Variants in RRAS2 observed in about 807,000 individuals in gnomAD.
RRAS2 encodes the protein ras-related protein R-Ras2.
Under a neutral mutation model 27.6 loss-of-function variants are expected in RRAS2, and 7 were observed. The ratio of observed to expected loss-of-function variants is 0.25; its 90% confidence interval spans 0.14 to 0.48. The LOEUF (loss-of-function observed/expected upper bound fraction) is 0.48. Ranked by LOEUF, RRAS2 falls within the 20% of genes least tolerant of loss-of-function variation. The pLI, the probability that RRAS2 is intolerant of heterozygous loss-of-function variation, is 0.99. For missense variants in RRAS2, 178 were observed against 256.2 expected, an observed-to-expected ratio of 0.69 and a Z score of 2.08; for synonymous variants, 86 against 90.9, an observed-to-expected ratio of 0.95 and a Z score of 0.31.
At chr11:14,356,816 T>A (rs1382790042) in intron 1 of RRAS2, 1 of 439,984 alleles carries the variant, frequency 2.3e-6, no homozygotes, top group East Asian at 7.0e-5. Flanking sequence ...TTTTTTTTTT[T>A]TTTGAGGCAG....
rs573013816 is a variant in RRAS2 at position 14,339,710 on chromosome 11, A to G, written c.108+19053T>C. Among the ~76,000 whole-genome samples, 96 of 152,346 alleles carry G rather than the reference A, an allele frequency of 6.3e-4. 1 individual carries two copies. The highest frequency in any genetic ancestry group is 2.2e-3 in the African/African-American group (90 of 41,586). ...TTAAAAAAGAAAGTTATTAAAGTTA[A>G]AAAGAATTTTTTTAAAAAGTTAAAT... On this transcript the variant is annotated intron_variant, in intron 1 of 5. Coordinates refer to ENST00000256196, the MANE Select transcript of RRAS2 (RefSeq NM_012250.6).
chr11:14,349,798 G>GT (rs1554954531), intron 1 of RRAS2, among the ~76,000 whole-genome samples: 3 of 152,194 alleles, frequency 2.0e-5, no homozygotes, highest in African/African-American at 7.2e-5. Flanking sequence ...TAAATTAGTT[G>GT]TTTTTCACTC....
Position 14,326,786 on chromosome 11 carries a change from C to CTATTCTGTTCT in RRAS2, c.109-30932_109-30931insAGAACAGAATA, listed in dbSNP as rs1848367709. On this transcript the variant is annotated intron_variant, in intron 1 of 5. Coordinates refer to ENST00000256196, the MANE Select transcript of RRAS2 (RefSeq NM_012250.6). The stretch of plus-strand genomic sequence containing the variant: ...TATTAAGAATATGATTTTGGCCGGG[C>CTATTCTGTTCT]GCGGTGGCTCACGCCTGTAATCCCA... Among the ~76,000 whole-genome samples, 2 of 16,044 alleles carry CTATTCTGTTCT rather than the reference C, an allele frequency of 1.2e-4. 1 individual carries two copies. The highest frequency in any genetic ancestry group is 5.6e-4 in the Non-Finnish European group (2 of 3,544). The allele number at this position is 16,044 out of a possible 152,430, so 10.5% of individuals were successfully genotyped here.
At chr11:14,330,382 C>A (rs1848460468) in intron 1 of RRAS2, among the ~76,000 whole-genome samples, 1 of 152,124 alleles carries the variant, frequency 6.6e-6, no homozygotes, top group African/African-American at 2.4e-5. Flanking sequence ...CATGGTGGCA[C>A]ACGCCTGTAG....
intron 1 of RRAS2, among the ~76,000 whole-genome samples, chr11:14,300,664 G>A (rs782500600): frequency 1.1e-4 from 17 of 152,278 alleles, no homozygotes; most frequent in South Asian, 1.0e-3. Flanking sequence ...GCTGGGATAA[G>A]CAGGATAATC....
chr11:14,284,198 T>C (rs1479104369), intron 4 of RRAS2, among the ~76,000 whole-genome samples: 1 of 152,242 alleles, frequency 6.6e-6, no homozygotes, highest in East Asian at 1.9e-4. Context: ...TATACTTCTT[T>C]AGTAGCATGC....
At chr11:14,329,247 T>TG (rs1848437240) in intron 1 of RRAS2, among the ~76,000 whole-genome samples, 1 of 151,928 alleles carries the variant, frequency 6.6e-6, no homozygotes, top group Non-Finnish European at 1.5e-5. Flanking sequence ...CCCAAGTAGC[T>TG]GGGATTATAG....
chr11:14,303,617 A>C (rs1157073407), intron 1 of RRAS2, among the ~76,000 whole-genome samples: 1 of 152,152 alleles, frequency 6.6e-6, no homozygotes, highest in Non-Finnish European at 1.5e-5. Flanking sequence ...AGCCCCAAGA[A>C]CACCATAGTT....
intron 5 of RRAS2, among the ~76,000 whole-genome samples, chr11:14,280,461 G>A (rs2133941071): frequency 6.6e-6 from 1 of 152,124 alleles, no homozygotes; most frequent in Non-Finnish European, 1.5e-5. Context: ...AGGTGCGGTG[G>A]CTCACGCTGT....
At chr11:14,301,075 T>C (rs1847688524) in intron 1 of RRAS2, among the ~76,000 whole-genome samples, 1 of 152,096 alleles carries the variant, frequency 6.6e-6, no homozygotes, top group Admixed American at 6.5e-5. Flanking sequence ...GAGCACAGCA[T>C]CATTCTCAGG....
chr11:14,289,594 A>C (rs1279173444), intron 4 of RRAS2, among the ~76,000 whole-genome samples: 2 of 152,230 alleles, frequency 1.3e-5, no homozygotes, highest in East Asian at 1.9e-4. Flanking sequence ...TGGTAATACT[A>C]AACAACCACT....
intron 4 of RRAS2, among the ~76,000 whole-genome samples, chr11:14,293,757 T>A (rs1287203469): frequency 6.6e-6 from 1 of 152,180 alleles, no homozygotes; most frequent in Non-Finnish European, 1.5e-5. Flanking sequence ...CTTGGGTATG[T>A]CCTTTTAGCA....
chr11:14,316,410 C>T (rs1848107499), intron 1 of RRAS2, among the ~76,000 whole-genome samples: 1 of 152,158 alleles, frequency 6.6e-6, no homozygotes, highest in African/African-American at 2.4e-5. Flanking sequence ...TTTCCAGGCC[C>T]TCCTTTTTAC....
At chr11:14,320,871 AC>A (rs1554950190) in intron 1 of RRAS2, among the ~76,000 whole-genome samples, 1 of 152,222 alleles carries the variant, frequency 6.6e-6, no homozygotes, top group African/African-American at 2.4e-5. Flanking sequence ...GTAACTTAAC[AC>A]AACAATTTAA....
At chr11:14,293,124 A>T (rs868909441) in intron 4 of RRAS2, among the ~76,000 whole-genome samples, 55 of 76,744 alleles carry the variant, frequency 7.2e-4, no homozygotes, top group African/African-American at 3.0e-3. Flanking sequence ...AAACAAAACA[A>T]ATATATATAT....
intron 1 of RRAS2, among the ~76,000 whole-genome samples, chr11:14,298,688 T>C (rs1847621380): frequency 6.6e-6 from 1 of 152,318 alleles, no homozygotes; most frequent in African/African-American, 2.4e-5. Context: ...ACAGAGACCA[T>C]CATCTACTGG....
intron 5 of RRAS2, among the ~76,000 whole-genome samples, 198 bp downstream of exon 5, chr11:14,281,404 C>CA (rs1849532357): frequency 6.6e-6 from 1 of 152,134 alleles, no homozygotes. Flanking sequence ...TTATTCTTAT[C>CA]AAAATCCTAT....
In RRAS2 at chr11:14,358,688, G is replaced by T. The variant is rs1317630063; in HGVS notation, c.108+75C>A. On this transcript the variant is annotated intron_variant, in intron 1 of 5. Transcript: ENST00000256196. The surrounding 1 kb of genome is among the most constrained non-coding windows in gnomAD (Gnocchi z 5.1). Reference sequence around the variant, plus strand: ...GGCGCCTCTGGGGCGAGGTCGCGGCGGCCGCCCCGCCACAGGTAGCGCCAG... The same window carrying T: ...GGCGCCTCTGGGGCGAGGTCGCGGCTGCCGCCCCGCCACAGGTAGCGCCAG... 1 of 1,054,416 alleles carries T rather than the reference G, an allele frequency of 9.5e-7. No homozygotes were observed. Among genetic ancestry groups the T allele is most frequent in the Non-Finnish European group, 1.1e-6 (1 of 874,370 alleles). The allele number at this position is 1,054,416 out of a possible 1,614,324, so 65.3% of individuals were successfully genotyped here.
chr11:14,321,959 A>G (rs1848233064), intron 1 of RRAS2, among the ~76,000 whole-genome samples: 1 of 152,172 alleles, frequency 6.6e-6, no homozygotes, highest in East Asian at 1.9e-4. Flanking sequence ...TAGTACTTTT[A>G]AAATCCCATC....
Sources: gnomAD v4.1 joint callset for allele counts (sites outside exome capture counted in the v4.1 genomes callset) on GRCh38, gnomAD v4.1.1 for gene constraint, Gnocchi (gnomAD v3.1) non-coding constraint, MANE v1.5 for transcripts, NCBI Gene and HGNC (gene_info 2026-07-23, HGNC 2026-07-21) for gene names.